Variants in GABRG2 observed in about 807,000 individuals in gnomAD.
GABRG2 encodes gamma-aminobutyric acid type A receptor subunit gamma2, also known as gamma-aminobutyric acid receptor subunit gamma-2.
Under a neutral mutation model 56.4 loss-of-function variants are expected in GABRG2, and 16 were observed. The observed-to-expected ratio is 0.28, with a 90% CI of 0.19 to 0.43. The LOEUF (loss-of-function observed/expected upper bound fraction) is 0.43, where lower values mean the gene tolerates loss of function less well. Among genes scored for constraint, GABRG2 ranks in the 20% least tolerant of loss-of-function variants. The probability of loss-of-function intolerance (pLI) is 1.00; values close to 1 mark genes in which losing one functional copy is unlikely to be tolerated. For synonymous variants in GABRG2, 208 were observed against 205.5 expected, an observed-to-expected ratio of 1.01 and a Z score of -0.10; for missense variants, 327 against 582.7, an observed-to-expected ratio of 0.56 and a Z score of 4.52.
At chr5:162,121,483 A>C (rs1274501683) in intron 6 of GABRG2, among the ~76,000 whole-genome samples, 2 of 152,080 alleles carry the variant, frequency 1.3e-5, no homozygotes, top group Non-Finnish European at 2.9e-5. Flanking sequence ...AATGGTGGAC[A>C]AAGTGTGCAT....
chr5:162,126,755 G>C (rs1449805235), intron 6 of GABRG2, among the ~76,000 whole-genome samples: 7 of 151,846 alleles, frequency 4.6e-5, no homozygotes, highest in African/African-American at 1.2e-4. Flanking sequence ...ACATGCCCGA[G>C]GGACTTTTCA....
At chr5:162,093,735 C>T (rs1045416026) in intron 1 of GABRG2, 93 bp from the exon 2 acceptor site, 40 of 1,191,040 alleles carry the variant, frequency 3.4e-5, no homozygotes, top group Admixed American at 5.3e-5. Flanking sequence ...TTCTTTTATC[C>T]TGTTTTATTT....
At chr5:162,067,765 A>C, upstream of GABRG2, 3 of 610,258 alleles carry the variant, frequency 4.9e-6, no homozygotes, top group Non-Finnish European at 8.7e-6. Flanking sequence ...CCAGACTTGG[A>C]AGCCGCTGCC....
At chr5:162,136,635 A>G (rs1302048767) in intron 6 of GABRG2, among the ~76,000 whole-genome samples, 1 of 152,202 alleles carries the variant, frequency 6.6e-6, no homozygotes, top group Non-Finnish European at 1.5e-5. Flanking sequence ...TTACTTGTCT[A>G]GGGCTCAGAG....
intron 1 of GABRG2, among the ~76,000 whole-genome samples, chr5:162,091,457 G>A (rs541570440): frequency 1.3e-5 from 2 of 152,042 alleles, no homozygotes; most frequent in African/African-American, 4.8e-5. Flanking sequence ...CTAATATTAA[G>A]CCTATTATAA....
At chr5:162,118,221 G>C (rs957271828) in intron 6 of GABRG2, among the ~76,000 whole-genome samples, 104 of 151,828 alleles carry the variant, frequency 6.8e-4, no homozygotes, top group Non-Finnish European at 1.2e-3. Context: ...GTGTGTGTGT[G>C]TGTGTGTGTG....
chr5:162,085,899 G>T (rs537740097), intron 1 of GABRG2, among the ~76,000 whole-genome samples: 11 of 151,752 alleles, frequency 7.2e-5, no homozygotes, highest in African/African-American at 2.7e-4. Context: ...TCCCTGCAAA[G>T]GACATGATCT....
intron 1 of GABRG2, among the ~76,000 whole-genome samples, chr5:162,068,949 G>T (rs118034871): frequency 1.3e-5 from 2 of 152,086 alleles, no homozygotes; most frequent in Admixed American, 6.6e-5. Flanking sequence ...TTGCTGCAGT[G>T]TTGGAAAATA....
chr5:162,150,030 T>C (rs1177923448), intron 8 of GABRG2: 1 of 175,734 alleles, frequency 5.7e-6, no homozygotes, highest in Non-Finnish European at 1.2e-5. Context: ...GCAAATGATT[T>C]AGTGTGTGTA....
At chr5:162,145,826 G>T (rs1387320842) in intron 7 of GABRG2, among the ~76,000 whole-genome samples, 1 of 152,096 alleles carries the variant, frequency 6.6e-6, no homozygotes, top group Non-Finnish European at 1.5e-5. Context: ...TAAAATGAAG[G>T]CCACAGTGCC....
rs1027644403 is a variant in GABRG2 at position 162,154,908 on chromosome 5, C to A, written c.*1540C>A. 6 of 152,050 alleles carry A rather than the reference C, an allele frequency of 3.9e-5. No individual in the cohort carries two copies. The highest frequency in any genetic ancestry group is 1.3e-4 in the Admixed American group (2 of 15,244). 9.4% of individuals were successfully genotyped at this position (152,050 alleles called of 1,614,324 possible). On this transcript the variant is annotated 3_prime_UTR_variant, in exon 10 of 10. Coordinates refer to ENST00000639213, the MANE Select transcript of GABRG2 (RefSeq NM_198904.4). ...TAGATTACATTGTAGTTAAACAAAGCAATTTCTCCAGACTTAAAACATGAT... is the reference window on the plus strand; with the variant it reads ...TAGATTACATTGTAGTTAAACAAAGAAATTTCTCCAGACTTAAAACATGAT...
intron 6 of GABRG2, among the ~76,000 whole-genome samples, chr5:162,137,932 T>C (rs1277230838): frequency 6.6e-6 from 1 of 151,806 alleles, no homozygotes; most frequent in Non-Finnish European, 1.5e-5. Context: ...TTGGTATTTT[T>C]TTTTTTTTGT....
chr5:162,068,205 C>T (rs1043863589), intron 1 of GABRG2, 99 bp downstream of exon 1: 21 of 793,064 alleles, frequency 2.6e-5, no homozygotes, highest in South Asian at 8.6e-5. Context: ...AAAACACTCT[C>T]CTAGGATGTG....
chr5:162,077,379 T>C (rs1759215220), intron 1 of GABRG2, among the ~76,000 whole-genome samples: 1 of 152,192 alleles, frequency 6.6e-6, no homozygotes. Flanking sequence ...ATGGTATGAA[T>C]TACAGTGCAT....
chr5:162,141,230 G>C (rs970233357), intron 6 of GABRG2, among the ~76,000 whole-genome samples: 2 of 152,020 alleles, frequency 1.3e-5, no homozygotes, highest in Non-Finnish European at 2.9e-5. Context: ...GTAGAGACGG[G>C]GTTTCACCGT....
intron 6 of GABRG2, among the ~76,000 whole-genome samples, chr5:162,141,405 G>A (rs776682373): frequency 6.6e-6 from 1 of 152,088 alleles, no homozygotes; most frequent in Non-Finnish European, 1.5e-5. Flanking sequence ...TTATGTGTAC[G>A]ATTTACAAAG....
chr5:162,119,611 T>C (rs899738660), intron 6 of GABRG2, among the ~76,000 whole-genome samples: 1 of 152,074 alleles, frequency 6.6e-6, no homozygotes, highest in East Asian at 1.9e-4. Flanking sequence ...TCCAATGAAA[T>C]GACAATGATC....
At chr5:162,106,085 C>T (rs572256835) in intron 6 of GABRG2, among the ~76,000 whole-genome samples, 1 of 152,168 alleles carries the variant, frequency 6.6e-6, no homozygotes, top group South Asian at 2.1e-4. Context: ...CCCAATGTCT[C>T]GTGTGGAGGA....
chr5:162,123,791 T>A (rs1216655113), intron 6 of GABRG2, among the ~76,000 whole-genome samples: 1 of 151,872 alleles, frequency 6.6e-6, no homozygotes. Context: ...GGTCACATAG[T>A]GTGTAGCAAA....
Sources: gnomAD v4.1 joint callset for allele counts (sites outside exome capture counted in the v4.1 genomes callset) on GRCh38, gnomAD v4.1.1 for gene constraint, MANE v1.5 for transcripts, NCBI Gene and HGNC (gene_info 2026-07-23, HGNC 2026-07-21) for gene names.